Variants in NAV2 observed in about 807,000 individuals in gnomAD.
The protein encoded by NAV2 is helicase, APC down-regulated 1.
In NAV2, 54 loss-of-function variants were observed where a neutral mutation model predicts 223.2. The observed-to-expected ratio is 0.24, with a 90% confidence interval of 0.19 to 0.30. NAV2 has a LOEUF of 0.30. NAV2 is among the 10% of genes least tolerant of loss of function. The pLI is 1.00. For missense variants in NAV2, 2,806 were observed against 3,147.5 expected (o/e 0.89, Z 2.60); for synonymous variants, 1,279 against 1,239.3 (o/e 1.03, Z -0.67).
chr11:19,875,765 C>G (rs2153072976), intron 4 of NAV2, among the ~76,000 whole-genome samples: 1 of 152,240 alleles, frequency 6.6e-6, no homozygotes, highest in Admixed American at 6.5e-5. Flanking sequence ...CTCAGTAAAA[C>G]TGTTTTTAAA....
chr11:20,000,165 G>A (rs1402843835), intron 11 of NAV2, among the ~76,000 whole-genome samples: 1 of 152,196 alleles, frequency 6.6e-6, no homozygotes, highest in Non-Finnish European at 1.5e-5. Flanking sequence ...AAAACCCGAA[G>A]TAGTTAACAC....
At chr11:19,415,181 A>G (rs907852308) in intron 1 of NAV2, among the ~76,000 whole-genome samples, 3 of 152,206 alleles carry the variant, frequency 2.0e-5, no homozygotes, top group Admixed American at 6.5e-5. Context: ...AAGATTAACA[A>G]AGAGATAGAC....
At chr11:19,738,883 GGTT>G (rs1457895732) in intron 1 of NAV2, among the ~76,000 whole-genome samples, 9 of 152,248 alleles carry the variant, frequency 5.9e-5, no homozygotes, top group African/African-American at 2.2e-4. Context: ...TCTGTCCCCT[GGTT>G]CACGTATTGG....
chr11:19,880,351 C>T (rs2063124746), intron 5 of NAV2, among the ~76,000 whole-genome samples: 1 of 152,158 alleles, frequency 6.6e-6, no homozygotes. Context: ...TGCCAGCAGC[C>T]AAAGCTAATT....
intron 6 of NAV2, among the ~76,000 whole-genome samples, chr11:19,907,853 T>G (rs972309457): frequency 6.6e-6 from 1 of 152,220 alleles, no homozygotes; most frequent in African/African-American, 2.4e-5. Context: ...ATTGTCTTAA[T>G]GCATCCAGAC....
intron 19 of NAV2, among the ~76,000 whole-genome samples, chr11:20,057,048 C>T (rs907200995): frequency 5.9e-5 from 9 of 152,088 alleles, no homozygotes; most frequent in African/African-American, 2.2e-4. Flanking sequence ...TTGGAGCAAA[C>T]GGAGCCTAGT....
chr11:19,662,641 G>A (rs1207014372), intron 1 of NAV2, among the ~76,000 whole-genome samples: 1 of 152,242 alleles, frequency 6.6e-6, no homozygotes, highest in African/African-American at 2.4e-5. Context: ...GCACCGGACA[G>A]GCCTGCCTGT....
chr11:20,044,933 G>A, intron 13 of NAV2, 35 bp from the exon 14 acceptor site: 2 of 1,547,200 alleles, frequency 1.3e-6, no homozygotes, highest in African/African-American at 2.7e-5. Context: ...GCTGGCTCTT[G>A]GCTTGCAGGC....
At position 19,933,100 on chromosome 11, in the gene NAV2, G is replaced by A. The variant is rs1161723891; in HGVS notation, c.932-76G>A. 2.7e-6 allele frequency: 4 copies of A among 1,459,644 alleles called. No homozygotes were observed. The African/African-American group carries it at 4.2e-5, about 15-fold the overall frequency. The allele number at this position is 1,459,644 out of a possible 1,614,324, so 90.4% of individuals were successfully genotyped here. A position where few individuals can be genotyped will look rare whatever the true frequency, so the allele number is the denominator to read the frequency against. On this transcript the variant is annotated intron_variant, in intron 6 of 37. Transcript: ENST00000349880. This position sits in a 1 kb window ranked among gnomAD's most constrained non-coding sequence, Gnocchi z 4.3. ...TGGGTTGGGAGTGATTGGTTGTGTG[G>A]CCATGGCTGACCCTCCCTGGTCTTC...
intron 1 of NAV2, among the ~76,000 whole-genome samples, chr11:19,752,836 T>C (rs2053937996): frequency 6.6e-6 from 1 of 152,178 alleles, no homozygotes; most frequent in Non-Finnish European, 1.5e-5. Flanking sequence ...CATTGTAAAC[T>C]CAATGCCATG....
chr11:19,860,618 C>T (rs1445284586), intron 3 of NAV2, among the ~76,000 whole-genome samples: 2 of 151,748 alleles, frequency 1.3e-5, no homozygotes, highest in Admixed American at 6.6e-5. Context: ...TCCTCACTTC[C>T]CAGACGGGGT....
rs1371799281 is a variant in NAV2, at chr11:19,761,424, CA to C, written c.267+47463del. ...AGTTGAATGATATGCTCAGGAGTGACAGGGGCAACTTTGGATGAGGGGCTCA... is the reference window on the plus strand; with the variant it reads ...AGTTGAATGATATGCTCAGGAGTGACGGGGCAACTTTGGATGAGGGGCTCA... On this transcript the variant is annotated intron_variant, in intron 1 of 37. Coordinates refer to ENST00000349880, the MANE Select transcript of NAV2 (RefSeq NM_145117.5). 3.3e-5 allele frequency among the ~76,000 whole-genome samples: 5 copies of C among 152,266 alleles called. No homozygotes were observed. In the East Asian group the frequency reaches 9.7e-4, roughly 29 times the overall value.
intron 1 of NAV2, among the ~76,000 whole-genome samples, chr11:19,473,187 C>T (rs1031158654): frequency 2.0e-5 from 3 of 152,136 alleles, no homozygotes; most frequent in South Asian, 2.1e-4. Context: ...GTCAGGTGTA[C>T]TTGGGTCTTT....
chr11:20,069,474 G>T (rs2059262174), intron 22 of NAV2, among the ~76,000 whole-genome samples: 1 of 152,146 alleles, frequency 6.6e-6, no homozygotes, highest in Non-Finnish European at 1.5e-5. Flanking sequence ...AGCAGTGGGT[G>T]GGCTGGTTTG....
intron 6 of NAV2, among the ~76,000 whole-genome samples, chr11:19,902,022 C>T (rs2042484466): frequency 6.6e-6 from 1 of 152,114 alleles, no homozygotes. Context: ...CATCTTTTAG[C>T]TCTTTGTCTC....
chr11:19,931,053 CT>C (rs1339599714), intron 6 of NAV2, among the ~76,000 whole-genome samples: 3 of 152,222 alleles, frequency 2.0e-5, no homozygotes, highest in African/African-American at 7.2e-5. Context: ...GCATTTCTGG[CT>C]GTGTAATTTA....
chr11:19,977,762 G>T lies in NAV2; in HGVS notation c.2646-6363G>T, dbSNP rs942537803. Reference sequence around the variant, plus strand: ...TTCTCTTCTTCCTTGAGCCAATGTGGCCACTGCTTTTCTTTTCAGAGAGGT... The same window carrying T: ...TTCTCTTCTTCCTTGAGCCAATGTGTCCACTGCTTTTCTTTTCAGAGAGGT... On this transcript the variant is annotated intron_variant, in intron 10 of 37. Transcript: ENST00000349880. Among the ~76,000 whole-genome samples the T allele has an allele frequency of 2.7e-5, 4 of 148,770 alleles. No individual in the cohort carries two copies. In the South Asian group the frequency reaches 8.6e-4, roughly 32 times the overall value.
At chr11:19,878,511 A>C (rs1396979293) in intron 4 of NAV2, among the ~76,000 whole-genome samples, 1 of 152,198 alleles carries the variant, frequency 6.6e-6, no homozygotes, top group African/African-American at 2.4e-5. Context: ...GTAAGAATAC[A>C]GATTGGAACT....
chr11:19,565,389 C>T (rs1313763569), intron 1 of NAV2, among the ~76,000 whole-genome samples: 1 of 152,226 alleles, frequency 6.6e-6, no homozygotes, highest in East Asian at 1.9e-4. Flanking sequence ...TAAAGGTCCC[C>T]TCCTCCCTCT....
Sources: gnomAD v4.1 joint callset for allele counts (sites outside exome capture counted in the v4.1 genomes callset) on GRCh38, gnomAD v4.1.1 for gene constraint, Gnocchi (gnomAD v3.1) non-coding constraint, MANE v1.5 for transcripts, NCBI Gene and HGNC (gene_info 2026-07-23, HGNC 2026-07-21) for gene names.